The following MYO10 variants were observed in gnomAD, a reference collection of about 807,000 sequenced individuals.
The protein encoded by MYO10 is unconventional myosin-X.
In MYO10, 133 loss-of-function variants were observed where a neutral mutation model predicts 257.3. The ratio of observed to expected loss-of-function variants is 0.52; its 90% confidence interval spans 0.45 to 0.60. The LOEUF (loss-of-function observed/expected upper bound fraction) is 0.60, where lower values mean the gene tolerates loss of function less well. Among genes scored for constraint, MYO10 ranks in the 20% least tolerant of loss-of-function variants. MYO10 has a pLI of 0.00. For missense variants in MYO10, 2,399 were observed against 2,635.7 expected, an observed-to-expected ratio of 0.91 and a Z score of 1.97; for synonymous variants, 1,104 against 1,028.6, an observed-to-expected ratio of 1.07 and a Z score of -1.40.
At chr5:16,681,091 C>G (rs557304402) in intron 32 of MYO10, among the ~76,000 whole-genome samples, 1 of 152,162 alleles carries the variant, frequency 6.6e-6, no homozygotes, top group African/African-American at 2.4e-5. Context: ...CTTGTCCTTG[C>G]GAGAATCTTC....
chr5:16,677,069 T>C (rs1284269864), intron 33 of MYO10, among the ~76,000 whole-genome samples: 1 of 152,154 alleles, frequency 6.6e-6, no homozygotes, highest in Non-Finnish European at 1.5e-5. Flanking sequence ...AGAAAGTCTT[T>C]CACGGAATTT....
intron 19 of MYO10, chr5:16,713,428 C>A: frequency 7.1e-6 from 7 of 985,838 alleles, no homozygotes; most frequent in Non-Finnish European, 8.4e-6. Context: ...TTCCCCACAG[C>A]TAAAGACATG....
intron 22 of MYO10, 51 bp downstream of exon 22, chr5:16,704,528 G>T: frequency 2.7e-6 from 4 of 1,482,066 alleles, no homozygotes; most frequent in Non-Finnish European, 3.7e-6. Context: ...TGGGAAGGAA[G>T]GACCCCCTCA....
intron 3 of MYO10, chr5:16,815,552 T>C (rs1742578139): frequency 6.1e-6 from 4 of 650,732 alleles, no homozygotes; most frequent in African/African-American, 3.7e-5. Context: ...TGGCATTTAT[T>C]TTATAAACAT....
chr5:16,744,907 T>C (rs1044842354), intron 19 of MYO10, among the ~76,000 whole-genome samples: 6 of 152,082 alleles, frequency 3.9e-5, no homozygotes, highest in African/African-American at 1.2e-4. Context: ...AGCAGGAAAA[T>C]GTATTCTTAT....
At chr5:16,750,096 G>A (rs1740338275) in intron 19 of MYO10, among the ~76,000 whole-genome samples, 1 of 152,090 alleles carries the variant, frequency 6.6e-6, no homozygotes. Flanking sequence ...GAAAACTCGT[G>A]GAATGGAGAA....
chr5:16,859,340 T>C (rs1744048380), intron 2 of MYO10, among the ~76,000 whole-genome samples: 1 of 152,176 alleles, frequency 6.6e-6, no homozygotes, highest in Non-Finnish European at 1.5e-5. Flanking sequence ...CAAGCTCCCT[T>C]AGGCCTCTTT....
Position 16,662,745 on chromosome 5 carries a change from T to C in MYO10, c.*3947A>G, listed in dbSNP as rs560784542. On this transcript the variant is annotated 3_prime_UTR_variant, in exon 41 of 41. Transcript: ENST00000513610. ...ACGGGAGGGACCTGATGGGAGGTAA[T>C]TGAATCATGGGGGTGGGTTTTCCCA... 6.6e-6 allele frequency: 1 copy of C among 152,218 alleles called. No homozygotes were observed. The highest frequency in any genetic ancestry group is 1.5e-5 in the Non-Finnish European group (1 of 68,022). The allele number at this position is 152,218 out of a possible 1,614,324, so 9.4% of individuals were successfully genotyped here.
chr5:16,694,002 C>T, intron 27 of MYO10, among the ~76,000 whole-genome samples: 1 of 152,172 alleles, frequency 6.6e-6, no homozygotes, highest in East Asian at 1.9e-4. Context: ...AATTTATCTG[C>T]TGGCAACAGC....
intron 14 of MYO10, among the ~76,000 whole-genome samples, 157 bp downstream of exon 14, chr5:16,763,324 C>T (rs1424667306): frequency 6.6e-6 from 1 of 152,138 alleles, no homozygotes; most frequent in Non-Finnish European, 1.5e-5. Context: ...TAAATTCAAC[C>T]TTGCACATTT....
At chr5:16,919,715 G>A (rs572421622) in intron 1 of MYO10, among the ~76,000 whole-genome samples, 4 of 152,214 alleles carry the variant, frequency 2.6e-5, no homozygotes, top group South Asian at 2.1e-4. Flanking sequence ...AGTGGTTCAC[G>A]CCTGTAATCT....
chr5:16,861,622 T>C (rs963852575), intron 2 of MYO10, among the ~76,000 whole-genome samples: 2 of 152,040 alleles, frequency 1.3e-5, no homozygotes, highest in Non-Finnish European at 2.9e-5. Context: ...AGAAGTGGCA[T>C]GAGAACCTTC....
At chr5:16,890,110 C>A (rs1382010855) in intron 1 of MYO10, among the ~76,000 whole-genome samples, 1 of 151,830 alleles carries the variant, frequency 6.6e-6, no homozygotes, top group Non-Finnish European at 1.5e-5. Context: ...CTGTTTCATA[C>A]ATATTAATTA....
intron 17 of MYO10, among the ~76,000 whole-genome samples, chr5:16,760,734 G>C (rs1286458234): frequency 6.6e-6 from 1 of 152,000 alleles, no homozygotes; most frequent in Non-Finnish European, 1.5e-5. Context: ...GAAGACAGCA[G>C]ACCACACTGC....
At chr5:16,740,690 C>T (rs1473520369) in intron 19 of MYO10, among the ~76,000 whole-genome samples, 3 of 152,074 alleles carry the variant, frequency 2.0e-5, no homozygotes, top group Non-Finnish European at 2.9e-5. Context: ...CCAGCCCTCT[C>T]GCAAGCAGCA....
intron 1 of MYO10, among the ~76,000 whole-genome samples, chr5:16,888,093 C>A (rs187328843): frequency 3.3e-5 from 5 of 152,282 alleles, no homozygotes; most frequent in Non-Finnish European, 5.9e-5. Context: ...AATAATTCAT[C>A]CATCTGTAAA....
At position 16,759,212 on chromosome 5, in the gene MYO10, C is replaced by A. The variant is rs947318961; in HGVS notation, c.1740-986G>T. Among the ~76,000 whole-genome samples the A allele has an allele frequency of 1.8e-4, 28 of 152,280 alleles. No homozygotes were observed. In the Middle Eastern group the frequency reaches 0.01, roughly 55 times the overall value. On this transcript the variant is annotated intron_variant, in intron 17 of 40. Coordinates refer to ENST00000513610, the MANE Select transcript of MYO10 (RefSeq NM_012334.3). The stretch of plus-strand genomic sequence containing the variant: ...TGTTAGGATTATAGGCGTGAGCCAC[C>A]GCGCCCGCCCAGCCTTCAATGATTT...
intron 2 of MYO10, among the ~76,000 whole-genome samples, chr5:16,868,749 A>G (rs1744358039): frequency 6.6e-6 from 1 of 152,204 alleles, no homozygotes; most frequent in South Asian, 2.1e-4. Flanking sequence ...TTTTTCAATA[A>G]AGTGTGAAAG....
chr5:16,708,365 G>A (rs575458791), intron 21 of MYO10, among the ~76,000 whole-genome samples: 80 of 152,216 alleles, frequency 5.3e-4, no homozygotes, highest in African/African-American at 1.8e-3. Context: ...TGAGGACAAC[G>A]CCCATGTCTC....
Sources: gnomAD v4.1 joint callset for allele counts (sites outside exome capture counted in the v4.1 genomes callset) on GRCh38, gnomAD v4.1.1 for gene constraint, MANE v1.5 for transcripts, NCBI Gene and HGNC (gene_info 2026-07-23, HGNC 2026-07-21) for gene names.